PXDN: variants seen among roughly 807,000 people sequenced by gnomAD.
The protein encoded by PXDN is peroxidasin, also known as peroxidasin homolog.
A neutral mutation model predicts 140.3 loss-of-function variants in PXDN; 77 were observed. The ratio of observed to expected loss-of-function variants is 0.55; its 90% CI spans 0.46 to 0.66. The LOEUF (loss-of-function observed/expected upper bound fraction) is 0.66. PXDN is among the 30% of genes least tolerant of loss of function. The pLI is 0.00. For missense variants in PXDN, 1,838 were observed against 2,039.5 expected, an observed-to-expected ratio of 0.90 and a Z score of 1.90; for synonymous variants, 911 against 857.4, an observed-to-expected ratio of 1.06 and a Z score of -1.09.
chr2:1,733,804 T>A (rs966452910), intron 1 of PXDN, among the ~76,000 whole-genome samples: 1 of 138,710 alleles, frequency 7.2e-6, no homozygotes. Flanking sequence ...AGAATATTAC[T>A]CAGGAAAATA....
intron 13 of PXDN, 43 bp downstream of exon 13, chr2:1,662,029 C>T: frequency 6.6e-7 from 1 of 1,522,144 alleles, no homozygotes; most frequent in Non-Finnish European, 8.9e-7. Flanking sequence ...GCCCGTCTAC[C>T]TTGTATCTGG....
intron 6 of PXDN, 109 bp from the exon 7 acceptor site, chr2:1,680,471 C>T: frequency 4.4e-6 from 6 of 1,363,616 alleles, no homozygotes; most frequent in Non-Finnish European, 6.2e-6. Flanking sequence ...GCCAGGCCTG[C>T]CAGGCTTGCG....
chr2:1,661,296 C>T (rs1683298408), intron 13 of PXDN, among the ~76,000 whole-genome samples: 2 of 152,204 alleles, frequency 1.3e-5, no homozygotes, highest in Admixed American at 1.3e-4. Context: ...GGATGATTTT[C>T]CACAATGAGG....
In PXDN at chr2:1,663,657, G is replaced by A. The variant is rs960069775; in HGVS notation, c.1515C>T (p.Val505=). 2 of 1,614,040 alleles carry A rather than the reference G, an allele frequency of 1.2e-6. No individual in the cohort carries two copies. Among genetic ancestry groups the A allele is most frequent in the Non-Finnish European group, 1.7e-6 (2 of 1,179,906 alleles). The change falls in exon 12 of 23, where the codon GTC becomes GTT. Residue 505 remains valine, a synonymous_variant. Coordinates refer to ENST00000252804, the MANE Select transcript of PXDN (RefSeq NM_012293.3). The part of the protein sequence containing the change: ...HDQGQYECQA[V]NIIGSQKVVA... ...CGACCTTCTGGGAGCCGATGATGTTGACAGCCTGGCATTCGTACTGGCCCT... is the reference window on the plus strand; with the variant it reads ...CGACCTTCTGGGAGCCGATGATGTTAACAGCCTGGCATTCGTACTGGCCCT...
intron 1 of PXDN, among the ~76,000 whole-genome samples, chr2:1,729,565 G>A (rs1485120684): frequency 6.7e-6 from 1 of 148,724 alleles, no homozygotes; most frequent in Admixed American, 6.6e-5. Flanking sequence ...ACAGCAGGGT[G>A]GGGGAGGGGG....
At chr2:1,678,795 A>G (rs1189708363) in intron 7 of PXDN, among the ~76,000 whole-genome samples, 1 of 152,190 alleles carries the variant, frequency 6.6e-6, no homozygotes, top group Non-Finnish European at 1.5e-5. Flanking sequence ...GTTGACAGCC[A>G]GTGCCCTGCG....
In PXDN at chr2:1,632,920, T is replaced by G. The variant is rs1278417132; in HGVS notation, c.*1284A>C. Reference sequence around the variant, plus strand: ...CACATGGTGGATACTCAGGTCAGCGTGCTGCACTGAAGCTGTGTGTTCGGG... The same window carrying G: ...CACATGGTGGATACTCAGGTCAGCGGGCTGCACTGAAGCTGTGTGTTCGGG... On this transcript the variant is annotated 3_prime_UTR_variant, in exon 23 of 23. Coordinates refer to ENST00000252804, the MANE Select transcript of PXDN (RefSeq NM_012293.3). This position sits in a 1 kb window ranked among gnomAD's most constrained non-coding sequence, Gnocchi z 4.3. The G allele has an allele frequency of 6.6e-6, 1 of 152,600 alleles. No homozygotes were observed. Among genetic ancestry groups the G allele is most frequent in the African/African-American group, 2.4e-5 (1 of 41,452 alleles). 9.5% of individuals were successfully genotyped at this position (152,600 alleles called of 1,614,324 possible).
chr2:1,663,750 G>A lies in PXDN; in HGVS notation c.1422C>T (p.Ser474=), dbSNP rs112778384. 1.3e-4 allele frequency: 214 copies of A among 1,612,748 alleles called. No homozygotes were observed. The African/African-American group carries it at 1.9e-3, about 15-fold the overall frequency. ...ACAGGACCAGGTGCCGCCGGTCCAC[G>A]GAGAGCTGGCTCCCTGCAAGGGCAT... The part of the protein sequence containing the change: ...IAWTKGGSQL[S]VDRRHLVLSS... The change falls in exon 12 of 23, where the codon TCC becomes TCT. Residue 474 remains serine, a synonymous_variant. Transcript: ENST00000252804.
intron 1 of PXDN, among the ~76,000 whole-genome samples, chr2:1,724,988 T>A (rs1178626511): frequency 6.6e-6 from 1 of 152,166 alleles, no homozygotes; most frequent in African/African-American, 2.4e-5. Flanking sequence ...AGTCTTCTAA[T>A]CCATGAGCAC....
chr2:1,684,231 A>C (rs548354819), intron 4 of PXDN, 80 bp from the exon 5 acceptor site: 1 of 1,212,530 alleles, frequency 8.2e-7, no homozygotes, highest in Non-Finnish European at 1.2e-6. Context: ...TTTTTTTCCT[A>C]GTCATTTCAA....
chr2:1,744,334 A>C lies in PXDN; in HGVS notation c.122T>G (p.Leu41Arg). ...GCAGCGCACGGTGGTGCGGAAGCAC[A>C]GGCAGCGGCTCGGACACCCTGCGCC... ...KPGAGCPSRC[L>R]CFRTTVRCMH... Residue 41 changes from leucine (L) to arginine (R), a missense_variant, in exon 1 of 23, where the codon CTG (leucine) becomes CGG (arginine). By Grantham distance (102) the Leu-to-Arg change is moderately radical. Coordinates refer to ENST00000252804, the MANE Select transcript of PXDN (RefSeq NM_012293.3). 1.3e-6 allele frequency: 2 copies of C among 1,527,934 alleles called. No homozygotes were observed. Among genetic ancestry groups the C allele is most frequent in the Non-Finnish European group, 1.7e-6 (2 of 1,143,758 alleles). The allele number at this position is 1,527,934 out of a possible 1,614,324, so 94.6% of individuals were successfully genotyped here.
chr2:1,668,682 C>A (rs547559981), intron 9 of PXDN, among the ~76,000 whole-genome samples: 78 of 150,748 alleles, frequency 5.2e-4, no homozygotes, highest in African/African-American at 1.7e-3. Context: ...ATGTGGCCAA[C>A]AAACATATGA....
chr2:1,736,878 A>C (rs563843239), intron 1 of PXDN, among the ~76,000 whole-genome samples: 107 of 152,300 alleles, frequency 7.0e-4, no homozygotes, highest in Admixed American at 2.8e-3. Context: ...ATGTGGACAA[A>C]GGTCAAATCA....
intron 21 of PXDN, chr2:1,636,475 C>A (rs1572110895): frequency 6.6e-6 from 1 of 152,202 alleles, no homozygotes; most frequent in Admixed American, 6.5e-5. Context: ...CACCTATGCA[C>A]ACATCATGCT....
chr2:1,654,371 G>C (rs1440930079), intron 15 of PXDN, 29 bp downstream of exon 15: 1 of 1,507,348 alleles, frequency 6.6e-7, no homozygotes, highest in African/African-American at 1.4e-5. Context: ...AGTGATTTGA[G>C]GGTCAGCGTG....
chr2:1,657,003 C>T (rs183051339), intron 14 of PXDN, among the ~76,000 whole-genome samples: 1 of 149,500 alleles, frequency 6.7e-6, no homozygotes, highest in African/African-American at 2.5e-5. Flanking sequence ...CTGAGAACTG[C>T]CCTCTCCTGA....
chr2:1,649,482 C>G lies in PXDN; in HGVS notation c.2298G>C (p.Leu766=), dbSNP rs1476331461. Residue 766 remains leucine (L), a synonymous_variant, in exon 17 of 23, where the codon CTG becomes CTC. Transcript: ENST00000252804. This position sits in a 1 kb window ranked among gnomAD's most constrained non-coding sequence, Gnocchi z 7.1. ...AGCCATTCTCGTACACGGATTTCAG[C>G]AGGCGCTCGAAGGCGGTCAGCGAGG... is the stretch of plus-strand genomic sequence containing the variant. ...WGASLTAFER[L]LKSVYENGFN... 6.2e-7 allele frequency: 1 copy of G among 1,614,002 alleles called. No homozygotes were observed. The highest frequency in any genetic ancestry group is 8.5e-7 in the Non-Finnish European group (1 of 1,179,884).
At position 1,648,877 on chromosome 2, in the gene PXDN, A is replaced by T. The variant is rs1163939153; in HGVS notation, c.2903T>A (p.Ile968Asn). 6.2e-7 allele frequency: 1 copy of T among 1,601,836 alleles called. No homozygotes were observed. The highest frequency in any genetic ancestry group is 1.3e-5 in the African/African-American group (1 of 74,616). The change falls in exon 17 of 23, where the codon ATC becomes AAC. Residue 968 changes from isoleucine (I) to asparagine (N), a missense_variant. Around this residue, in one of 5 missense-constraint regions of PXDN, gnomAD observed 850 missense variants for 894.1 expected, o/e 0.95. Transcript: ENST00000252804. The surrounding 1 kb of genome is among the most constrained non-coding windows in gnomAD (Gnocchi z 8.9). ...ECMRDENESPIPCFLAGDHRA... is the reference protein window; with the variant it reads ...ECMRDENESPNPCFLAGDHRA... The stretch of plus-strand genomic sequence containing the variant: ...GTGGTCCCCGGCCAGGAAGCAGGGG[A>T]TGGGGCTCTCGTTCTCGTCCCGCAT...
chr2:1,720,720 TCTCTCACACA>T (rs1343925720), intron 1 of PXDN, among the ~76,000 whole-genome samples: 169 of 25,436 alleles, frequency 6.6e-3, no homozygotes, highest in East Asian at 0.02. Flanking sequence ...TCTCTCTCTC[TCTCTCACACA>T]CACACACACA....
Sources: gnomAD v4.1 joint callset for allele counts (sites outside exome capture counted in the v4.1 genomes callset) on GRCh38, gnomAD v4.1.1 for gene constraint, gnomAD v4.1.1 regional missense constraint, Gnocchi (gnomAD v3.1) non-coding constraint, MANE v1.5 for transcripts, NCBI Gene and HGNC (gene_info 2026-07-23, HGNC 2026-07-21) for gene names.